Variants in ARHGAP42 observed in about 807,000 individuals in gnomAD.
ARHGAP42 encodes Rho GTPase activating protein 42.
A neutral mutation model predicts 125.0 loss-of-function variants in ARHGAP42; 63 were observed. The observed-to-expected ratio is 0.50, with a 90% CI of 0.41 to 0.62. The LOEUF is 0.62. ARHGAP42 is among the 20% of genes least tolerant of loss of function. The pLI is 0.00. For missense variants in ARHGAP42, 766 were observed against 1,024.2 expected (o/e 0.75, Z 3.44); for synonymous variants, 339 against 351.0 (o/e 0.97, Z 0.38).
intron 10 of ARHGAP42, among the ~76,000 whole-genome samples, chr11:100,945,720 A>G (rs1867997935): frequency 6.6e-6 from 1 of 152,114 alleles, no homozygotes; most frequent in South Asian, 2.1e-4. Context: ...TAAAATATTC[A>G]GTAAACCTTA....
At chr11:100,980,658 C>T (rs946294583) in intron 22 of ARHGAP42, among the ~76,000 whole-genome samples, 2 of 144,084 alleles carry the variant, frequency 1.4e-5, no homozygotes, top group African/African-American at 5.1e-5. Context: ...GCAGCCTCTG[C>T]CTCCCAGGTT....
intron 3 of ARHGAP42, among the ~76,000 whole-genome samples, chr11:100,827,324 A>C (rs999354203): frequency 9.2e-5 from 14 of 152,066 alleles, no homozygotes; most frequent in Admixed American, 8.5e-4. Flanking sequence ...CTTTACATAG[A>C]GTGATGGGAC....
intron 3 of ARHGAP42, among the ~76,000 whole-genome samples, chr11:100,800,006 A>G (rs1863813856): frequency 6.6e-6 from 1 of 152,204 alleles, no homozygotes; most frequent in Non-Finnish European, 1.5e-5. Context: ...AAGTTATTCA[A>G]AAGAGAAGTA....
intron 2 of ARHGAP42, among the ~76,000 whole-genome samples, chr11:100,777,079 T>A (rs1339875468): frequency 6.6e-6 from 1 of 151,924 alleles, no homozygotes; most frequent in Non-Finnish European, 1.5e-5. Flanking sequence ...TACTGATTGA[T>A]GGATGAGAGC....
Position 100,859,550 on chromosome 11 carries a change from T to G in ARHGAP42, c.313-4T>G. 1 of 1,529,904 alleles carries G rather than the reference T, an allele frequency of 6.5e-7. No homozygotes were observed. Among genetic ancestry groups the G allele is most frequent in the South Asian group, 1.3e-5 (1 of 78,438 alleles). The allele number at this position is 1,529,904 out of a possible 1,614,324, so 94.8% of individuals were successfully genotyped here. On this transcript the variant is annotated splice_region_variant and splice_polypyrimidine_tract_variant and intron_variant, in intron 3 of 23. Coordinates refer to ENST00000298815, the MANE Select transcript of ARHGAP42 (RefSeq NM_152432.4). ...ATTTAATATATGTGCATTTTTTATT[T>G]CAGATCCAAAACGCTAACGATGTAT...
chr11:100,929,411 T>A (rs986289823), intron 6 of ARHGAP42, among the ~76,000 whole-genome samples: 3 of 152,332 alleles, frequency 2.0e-5, no homozygotes, highest in Middle Eastern at 3.4e-3. Flanking sequence ...CATGTACAAA[T>A]TTTTGTGTAG....
In ARHGAP42 at chr11:100,790,148, T is replaced by G. The variant is rs1400654351; in HGVS notation, c.251-4957T>G. Among the ~76,000 whole-genome samples, 20 of 152,308 alleles carry G rather than the reference T, an allele frequency of 1.3e-4. No homozygotes were observed. In the East Asian group the frequency reaches 3.5e-3, roughly 26 times the overall value. On this transcript the variant is annotated intron_variant, in intron 2 of 23. Transcript: ENST00000298815. Reference sequence around the variant, plus strand: ...CAGGTCTTCCAGGCAAAAATAGTAGTGTGAATTTAAGCGTGCTAAAAAGAT... The same window carrying G: ...CAGGTCTTCCAGGCAAAAATAGTAGGGTGAATTTAAGCGTGCTAAAAAGAT...
At chr11:100,744,317 T>C (rs1862250692) in intron 1 of ARHGAP42, among the ~76,000 whole-genome samples, 1 of 152,238 alleles carries the variant, frequency 6.6e-6, no homozygotes, top group South Asian at 2.1e-4. Context: ...ATGTTGGTTC[T>C]TACCTTTCTC....
chr11:100,799,585 G>C (rs1163840306), intron 3 of ARHGAP42, among the ~76,000 whole-genome samples: 1 of 152,170 alleles, frequency 6.6e-6, no homozygotes, highest in Admixed American at 6.5e-5. Context: ...AGAGGTTAGA[G>C]AGATGTGAAA....
chr11:100,726,686 C>G (rs1160344020), intron 1 of ARHGAP42, among the ~76,000 whole-genome samples: 1 of 152,150 alleles, frequency 6.6e-6, no homozygotes, highest in Non-Finnish European at 1.5e-5. Flanking sequence ...GGAGCACTAC[C>G]AAAAAGTCAT....
At chr11:100,856,059 A>T (rs114822316) in intron 3 of ARHGAP42, among the ~76,000 whole-genome samples, 60 of 152,184 alleles carry the variant, frequency 3.9e-4, no homozygotes, top group African/African-American at 1.3e-3. Context: ...TTCCACAGAT[A>T]CTGTGGGATC....
intron 2 of ARHGAP42, among the ~76,000 whole-genome samples, chr11:100,779,454 A>T (rs1371556452): frequency 3.5e-5 from 3 of 86,074 alleles, no homozygotes; most frequent in East Asian, 7.0e-4. Context: ...TCAAAAAAAA[A>T]AAAAAAAAAA....
intron 2 of ARHGAP42, among the ~76,000 whole-genome samples, chr11:100,794,390 A>G (rs1327552779): frequency 6.6e-6 from 1 of 152,066 alleles, no homozygotes; most frequent in Non-Finnish European, 1.5e-5. Context: ...ACTAAAAGTA[A>G]AGCAATATAG....
At chr11:100,814,454 G>C (rs1037814961) in intron 3 of ARHGAP42, among the ~76,000 whole-genome samples, 14 of 152,022 alleles carry the variant, frequency 9.2e-5, no homozygotes, top group African/African-American at 3.1e-4. Context: ...GCATAATAAT[G>C]ATTATATCCA....
intron 1 of ARHGAP42, among the ~76,000 whole-genome samples, chr11:100,716,163 T>C (rs538351806): frequency 6.6e-6 from 1 of 152,320 alleles, no homozygotes; most frequent in African/African-American, 2.4e-5. Context: ...CCCGTAAGCT[T>C]CATGGGGACT....
chr11:100,732,570 C>T (rs954183415), intron 1 of ARHGAP42, among the ~76,000 whole-genome samples: 1 of 152,154 alleles, frequency 6.6e-6, no homozygotes, highest in African/African-American at 2.4e-5. Context: ...TCAAGCATAT[C>T]AACTGACTTC....
intron 3 of ARHGAP42, among the ~76,000 whole-genome samples, chr11:100,844,460 A>G (rs1865015755): frequency 1.3e-5 from 2 of 152,022 alleles, no homozygotes; most frequent in Admixed American, 6.5e-5. Context: ...ACTTAATTAA[A>G]CTAAAAAGCT....
intron 1 of ARHGAP42, among the ~76,000 whole-genome samples, chr11:100,737,610 A>G (rs1862094100): frequency 6.6e-6 from 1 of 152,114 alleles, no homozygotes; most frequent in African/African-American, 2.4e-5. Flanking sequence ...GCTCCATGAG[A>G]TAGAGGTGTC....
At chr11:100,698,482 A>G (rs1861329595) in intron 1 of ARHGAP42, among the ~76,000 whole-genome samples, 1 of 151,980 alleles carries the variant, frequency 6.6e-6, no homozygotes, top group Non-Finnish European at 1.5e-5. Context: ...AAAAAAGGTC[A>G]TTTTCCAACA....
Sources: allele counts gnomAD v4.1 joint callset (sites outside exome capture counted in the v4.1 genomes callset), GRCh38; gene constraint gnomAD v4.1.1; transcripts MANE v1.5; gene names NCBI Gene and HGNC (gene_info 2026-07-23, HGNC 2026-07-21).